DMD: variants seen among roughly 807,000 people sequenced by gnomAD.
DMD encodes dystrophin, also known as mutant dystrophin.
DMD carries 63 observed loss-of-function variants against 330.1 expected under a neutral mutation model. The observed-to-expected ratio is 0.19, with a 90% CI of 0.16 to 0.24. DMD has a LOEUF of 0.24. Among genes scored for constraint, DMD ranks in the 10% least tolerant of loss-of-function variants. The pLI is 1.00. For missense variants in DMD, 3,344 were observed against 2,684.1 expected, an observed-to-expected ratio of 1.25 and a Z score of -5.43; for synonymous variants, 1,223 against 959.8, an observed-to-expected ratio of 1.27 and a Z score of -5.07.
intron 44 of DMD, among the ~76,000 whole-genome samples, chrX:32,041,287 T>C (rs1188806171): frequency 1.8e-5 from 2 of 111,802 alleles, no homozygotes; most frequent in Non-Finnish European, 3.8e-5. Flanking sequence ...TTCGCCCACA[T>C]TGAAAATCTG....
At chrX:32,258,891 A>G (rs755892081) in intron 43 of DMD, among the ~76,000 whole-genome samples, 54 of 111,629 alleles carry the variant, frequency 4.8e-4, no homozygotes, top group Non-Finnish European at 8.7e-4. Flanking sequence ...AAATAGCACA[A>G]CTTAAATAGA....
chrX:31,126,802 GGAA>G (rs2033743522), intron 77 of DMD, 129 bp from the exon 78 acceptor site: 127 of 152,486 alleles, frequency 8.3e-4, no homozygotes, highest in Middle Eastern at 1.8e-3. Context: ...ATTCTCTGCT[GGAA>G]AAAAAAAAAA....
At chrX:31,892,553 T>C (rs1481645136) in intron 47 of DMD, among the ~76,000 whole-genome samples, 4 of 111,629 alleles carry the variant, frequency 3.6e-5, no homozygotes, top group East Asian at 2.8e-4. Context: ...TGTCATTAGG[T>C]GATTTTATCC....
chrX:32,773,542 A>G (rs1328830668), intron 7 of DMD, among the ~76,000 whole-genome samples: 1 of 99,536 alleles, frequency 1.0e-5, no homozygotes, highest in Non-Finnish European at 2.0e-5. Flanking sequence ...TTACCTATTT[A>G]CCACTCCCTC....
At chrX:32,532,126 A>T (rs964000207) in intron 17 of DMD, among the ~76,000 whole-genome samples, 1 of 111,375 alleles carries the variant, frequency 9.0e-6, no homozygotes. Flanking sequence ...GAGCTCCAAA[A>T]GTCTTGCACT....
intron 16 of DMD, among the ~76,000 whole-genome samples, chrX:32,558,089 TTA>T (rs2050529271): frequency 9.0e-6 from 1 of 111,188 alleles, no homozygotes; most frequent in Non-Finnish European, 1.9e-5. Flanking sequence ...GAAATAAATA[TTA>T]TATGATAATT....
At chrX:33,071,548 T>C (rs1462699845) in intron 1 of DMD, among the ~76,000 whole-genome samples, 1 of 111,416 alleles carries the variant, frequency 9.0e-6, no homozygotes, top group East Asian at 2.8e-4. Flanking sequence ...AGTATAATTG[T>C]CATCCACATA....
At chrX:33,276,957 A>T (rs185668698) in intron 1 of DMD, among the ~76,000 whole-genome samples, 40 of 111,851 alleles carry the variant, frequency 3.6e-4, no homozygotes, top group African/African-American at 1.2e-3. Context: ...CCTTCTTCTG[A>T]TTTCACCATT....
In DMD at chrX:32,771,948, A is replaced by G. The variant is rs143490665; in HGVS notation, c.649+37545T>C. Among the ~76,000 whole-genome samples, 52 of 112,125 alleles carry G rather than the reference A, an allele frequency of 4.6e-4. No homozygotes were observed. The East Asian group carries it at 9.0e-3, about 19-fold the overall frequency. Reference sequence around the variant, plus strand: ...CAATATATTTATATAGAGCACTAGGAGGTCCTAACTAAGCCAGTGATTTTG... The same window carrying G: ...CAATATATTTATATAGAGCACTAGGGGGTCCTAACTAAGCCAGTGATTTTG... On this transcript the variant is annotated intron_variant, in intron 7 of 78. Transcript: ENST00000357033.
At chrX:33,055,080 A>G (rs1288597131) in intron 1 of DMD, among the ~76,000 whole-genome samples, 1 of 111,917 alleles carries the variant, frequency 8.9e-6, no homozygotes, top group East Asian at 2.8e-4. Context: ...TTGATTGAGC[A>G]TTAAGATTGA....
At chrX:32,421,095 C>T (rs1171795918) in intron 29 of DMD, among the ~76,000 whole-genome samples, 2 of 111,883 alleles carry the variant, frequency 1.8e-5, no homozygotes, top group African/African-American at 6.5e-5. Flanking sequence ...CCTTTTTCAT[C>T]CTACCCAATT....
intron 7 of DMD, among the ~76,000 whole-genome samples, chrX:32,804,962 A>G (rs750197237): frequency 2.7e-5 from 3 of 112,255 alleles, no homozygotes; most frequent in African/African-American, 9.7e-5. Context: ...TCTGAAGGTC[A>G]CCAATGTCAA....
At chrX:33,300,464 C>A (rs2053646277) in intron 1 of DMD, among the ~76,000 whole-genome samples, 1 of 112,186 alleles carries the variant, frequency 8.9e-6, no homozygotes, top group Non-Finnish European at 1.9e-5. Flanking sequence ...ACTAAGCTAA[C>A]TGTGGAGACA....
intron 9 of DMD, among the ~76,000 whole-genome samples, chrX:32,665,854 C>G (rs962668118): frequency 9.0e-6 from 1 of 111,636 alleles, no homozygotes; most frequent in African/African-American, 3.3e-5. Flanking sequence ...GGGGAATTGA[C>G]AGTCAAACCA....
chrX:33,104,775 G>A (rs2095271911), intron 1 of DMD, among the ~76,000 whole-genome samples: 1 of 111,966 alleles, frequency 8.9e-6, no homozygotes. Flanking sequence ...TTATAAAATT[G>A]GGTAAAATTC....
intron 61 of DMD, among the ~76,000 whole-genome samples, chrX:31,335,858 G>A (rs2057380836): frequency 1.8e-5 from 2 of 112,308 alleles, no homozygotes; most frequent in South Asian, 3.7e-4. Flanking sequence ...AGACAACTGT[G>A]GAAGGGAAGT....
intron 55 of DMD, among the ~76,000 whole-genome samples, chrX:31,557,988 A>T (rs2074952310): frequency 9.0e-6 from 1 of 111,725 alleles, no homozygotes; most frequent in South Asian, 3.8e-4. Flanking sequence ...CTAGAATGAA[A>T]ATATTGCAGA....
intron 67 of DMD, among the ~76,000 whole-genome samples, chrX:31,186,925 T>G (rs1462084440): frequency 1.8e-5 from 2 of 112,207 alleles, no homozygotes; most frequent in African/African-American, 6.5e-5. Flanking sequence ...CTGGGAAACA[T>G]CCTTAGAAGG....
intron 37 of DMD, among the ~76,000 whole-genome samples, chrX:32,350,726 A>G (rs1015403842): frequency 8.1e-5 from 9 of 111,306 alleles, no homozygotes; most frequent in Non-Finnish European, 1.1e-4. Context: ...TATTTGCTGA[A>G]GAACCTCCTG....
Sources: allele counts gnomAD v4.1 joint callset (sites outside exome capture counted in the v4.1 genomes callset), GRCh38; gene constraint gnomAD v4.1.1; transcripts MANE v1.5; gene names NCBI Gene and HGNC (gene_info 2026-07-23, HGNC 2026-07-21).